PSD3: variants seen among roughly 807,000 people sequenced by gnomAD.
The protein encoded by PSD3 is PH and SEC7 domain-containing protein 3.
Under a neutral mutation model 105.5 loss-of-function variants are expected in PSD3, and 49 were observed. The observed-to-expected ratio is 0.46, with a 90% CI of 0.37 to 0.59. The LOEUF is 0.59. Ranked by LOEUF, PSD3 falls within the 20% of genes least tolerant of loss-of-function variation. The probability of loss-of-function intolerance (pLI) is 0.00; values close to 1 mark genes in which losing one functional copy is unlikely to be tolerated. For missense variants in PSD3, 1,561 were observed against 1,263.8 expected (o/e 1.24, Z -3.57); for synonymous variants, 557 against 457.8 (o/e 1.22, Z -2.77).
At chr8:18,942,271 A>T (rs1314316627) in intron 1 of PSD3, among the ~76,000 whole-genome samples, 3 of 152,136 alleles carry the variant, frequency 2.0e-5, no homozygotes, top group Non-Finnish European at 1.5e-5. Flanking sequence ...AAAGACTATA[A>T]AATAATATTT....
chr8:18,840,326 G>A (rs750780591), intron 4 of PSD3, among the ~76,000 whole-genome samples: 6 of 152,178 alleles, frequency 3.9e-5, no homozygotes, highest in African/African-American at 1.4e-4. Flanking sequence ...GAACATGTTG[G>A]CCTCCCAAAG....
intron 9 of PSD3, among the ~76,000 whole-genome samples, chr8:18,746,991 GCT>G (rs1016636547): frequency 2.6e-5 from 4 of 152,164 alleles, no homozygotes; most frequent in Admixed American, 1.3e-4. Flanking sequence ...GTGCCTGCTT[GCT>G]CTCTCTCTCT....
At chr8:19,010,577 C>T (rs989863584) in intron 1 of PSD3, among the ~76,000 whole-genome samples, 3 of 152,172 alleles carry the variant, frequency 2.0e-5, no homozygotes, top group Non-Finnish European at 2.9e-5. Context: ...GCCACTACAA[C>T]ACTACTTAAT....
At chr8:18,747,427 G>T (rs892488492) in intron 9 of PSD3, among the ~76,000 whole-genome samples, 1 of 152,192 alleles carries the variant, frequency 6.6e-6, no homozygotes, top group Non-Finnish European at 1.5e-5. Context: ...TGACATAATA[G>T]ATGGGCAAAG....
At chr8:18,821,737 A>G (rs1484140331) in intron 4 of PSD3, among the ~76,000 whole-genome samples, 1 of 123,324 alleles carries the variant, frequency 8.1e-6, no homozygotes, top group East Asian at 2.6e-4. Flanking sequence ...CAAAGCTCCA[A>G]TTCCAGGTGG....
chr8:18,582,893 T>G (rs981219913), intron 12 of PSD3, among the ~76,000 whole-genome samples: 4 of 147,978 alleles, frequency 2.7e-5, no homozygotes, highest in Admixed American at 6.8e-5. Context: ...TGGCAAGATC[T>G]CGGCTCACTG....
At chr8:18,646,529 AG>A (rs1194518563) in intron 10 of PSD3, among the ~76,000 whole-genome samples, 1 of 152,154 alleles carries the variant, frequency 6.6e-6, no homozygotes, top group Non-Finnish European at 1.5e-5. Context: ...AGTACACACA[AG>A]GGATTCCAAC....
At chr8:19,066,677 G>A (rs1040233263) in intron 1 of PSD3, among the ~76,000 whole-genome samples, 5 of 152,140 alleles carry the variant, frequency 3.3e-5, no homozygotes, top group South Asian at 2.1e-4. Flanking sequence ...TTTTTACTTC[G>A]TATGCCTTGA....
intron 9 of PSD3, among the ~76,000 whole-genome samples, chr8:18,760,746 A>G (rs991807546): frequency 6.6e-6 from 1 of 152,176 alleles, no homozygotes; most frequent in Non-Finnish European, 1.5e-5. Context: ...CTAACACTTC[A>G]CTAGTTGGTA....
intron 9 of PSD3, among the ~76,000 whole-genome samples, chr8:18,724,992 A>G (rs2129428605): frequency 6.6e-6 from 1 of 152,340 alleles, no homozygotes; most frequent in African/African-American, 2.4e-5. Flanking sequence ...AAGGATTTTA[A>G]AAGACAAAGT....
At chr8:18,711,817 C>G (rs982517608) in intron 9 of PSD3, among the ~76,000 whole-genome samples, 1 of 152,182 alleles carries the variant, frequency 6.6e-6, no homozygotes, top group African/African-American at 2.4e-5. Flanking sequence ...CCCGAAACAA[C>G]AGAATACACA....
intron 11 of PSD3, among the ~76,000 whole-genome samples, chr8:18,627,714 T>G (rs764624886): frequency 2.0e-5 from 3 of 151,142 alleles, no homozygotes; most frequent in Non-Finnish European, 4.4e-5. Flanking sequence ...AAATCCAGTG[T>G]TTTTTTTAGA....
rs762244640 is a variant in PSD3, at chr8:18,683,748, T to C, written c.2173-28063A>G. On this transcript the variant is annotated intron_variant, in intron 9 of 15. Coordinates refer to ENST00000327040, the MANE Select transcript of PSD3 (RefSeq NM_015310.4). Reference sequence around the variant, plus strand: ...TGTTGCCCTGCCACACAGCTGTCAATAAGGTTCAATGTGGTATTTCTTTAC... The same window carrying C: ...TGTTGCCCTGCCACACAGCTGTCAACAAGGTTCAATGTGGTATTTCTTTAC... 3 of 761,772 alleles carry C rather than the reference T, an allele frequency of 3.9e-6. No homozygotes were observed. The Admixed American group carries it at 5.1e-5, about 13-fold the overall frequency. 47.2% of individuals were successfully genotyped at this position (761,772 alleles called of 1,614,324 possible). A position where few individuals can be genotyped will look rare whatever the true frequency, so the allele number is the denominator to read the frequency against.
intron 1 of PSD3, among the ~76,000 whole-genome samples, chr8:19,064,147 A>T (rs1828994174): frequency 6.6e-6 from 1 of 152,104 alleles, no homozygotes; most frequent in African/African-American, 2.4e-5. Flanking sequence ...TCTCAAAAAA[A>T]AAGAAAAAGC....
chr8:19,016,827 A>T (rs1827193233), upstream of PSD3, among the ~76,000 whole-genome samples: 1 of 152,182 alleles, frequency 6.6e-6, no homozygotes, highest in African/African-American at 2.4e-5. Context: ...GACGGGAAGC[A>T]AATGGGGTCC....
chr8:18,876,012 T>C (rs1296322708), intron 2 of PSD3, among the ~76,000 whole-genome samples: 1 of 152,248 alleles, frequency 6.6e-6, no homozygotes, highest in Non-Finnish European at 1.5e-5. Flanking sequence ...ATTTGGGGTC[T>C]GACTTCTTTC....
chr8:18,540,870 G>A (rs574227821), intron 15 of PSD3, among the ~76,000 whole-genome samples: 7 of 152,096 alleles, frequency 4.6e-5, no homozygotes, highest in South Asian at 2.1e-4. Context: ...CCCCTTTCCC[G>A]TGGCCCAGTC....
intron 1 of PSD3, among the ~76,000 whole-genome samples, chr8:19,053,966 G>A (rs553150705): frequency 6.6e-6 from 1 of 152,330 alleles, no homozygotes; most frequent in South Asian, 2.1e-4. Context: ...TTTCACCTTA[G>A]TGGTTAGTTA....
At chr8:18,875,768 A>C (rs1371021931) in intron 2 of PSD3, among the ~76,000 whole-genome samples, 1 of 151,990 alleles carries the variant, frequency 6.6e-6, no homozygotes, top group Non-Finnish European at 1.5e-5. Context: ...CGATCTCCTG[A>C]CCTTGTGATC....
Sources: gnomAD v4.1 joint callset for allele counts (sites outside exome capture counted in the v4.1 genomes callset) on GRCh38, gnomAD v4.1.1 for gene constraint, MANE v1.5 for transcripts, NCBI Gene and HGNC (gene_info 2026-07-23, HGNC 2026-07-21) for gene names.